UGT8: variants seen among roughly 807,000 people sequenced by gnomAD.
The protein encoded by UGT8 is UDP glycosyltransferase 8.
A neutral mutation model predicts 40.5 loss-of-function variants in UGT8; 12 were observed. That is an observed-to-expected ratio of 0.30 (90% CI 0.19 to 0.48). The LOEUF is 0.48. Among genes scored for constraint, UGT8 ranks in the 20% least tolerant of loss-of-function variants. The pLI is 0.99. For missense variants in UGT8, 513 were observed against 648.7 expected (o/e 0.79, Z 2.27); for synonymous variants, 224 against 240.4 (o/e 0.93, Z 0.63).
intron 1 of UGT8, among the ~76,000 whole-genome samples, chr4:114,607,770 T>G (rs1730820170): frequency 6.6e-6 from 1 of 152,140 alleles, no homozygotes; most frequent in Non-Finnish European, 1.5e-5. Context: ...TCCTAATTGA[T>G]CACTATGTCC....
intron 1 of UGT8, among the ~76,000 whole-genome samples, chr4:114,610,290 G>C (rs919378355): frequency 3.9e-5 from 6 of 152,106 alleles, no homozygotes; most frequent in Non-Finnish European, 7.4e-5. Flanking sequence ...TGAGGGGTTT[G>C]AAATCACCTA....
chr4:114,663,844 A>AG, intron 2 of UGT8, 151 bp from the exon 3 acceptor site: 1 of 1,399,062 alleles, frequency 7.1e-7, no homozygotes, highest in East Asian at 2.6e-5. Flanking sequence ...TGTAAACAAA[A>AG]GCAGTTATTT....
chr4:114,648,202 A>T (rs1466961706), intron 2 of UGT8, among the ~76,000 whole-genome samples: 2 of 152,186 alleles, frequency 1.3e-5, no homozygotes, highest in Admixed American at 1.3e-4. Context: ...AGAGCAGATC[A>T]GTATGTGATA....
chr4:114,658,676 T>C (rs1734334678), intron 2 of UGT8, among the ~76,000 whole-genome samples: 1 of 150,962 alleles, frequency 6.6e-6, no homozygotes, highest in South Asian at 2.1e-4. Flanking sequence ...TTTCTTGCAT[T>C]GGGATGTGTT....
At chr4:114,645,798 T>C (rs1035299132) in intron 2 of UGT8, among the ~76,000 whole-genome samples, 3 of 152,176 alleles carry the variant, frequency 2.0e-5, no homozygotes, top group Non-Finnish European at 4.4e-5. Flanking sequence ...GGCTTCTATT[T>C]ATCTGAGTTG....
chr4:114,674,241 TAATCATTTCCAGCAGC>T (rs377128920), intron 5 of UGT8, among the ~76,000 whole-genome samples: 4,027 of 152,300 alleles, frequency 0.026, 70 homozygotes, highest in Middle Eastern at 0.037. Context: ...TCCCAAACTG[TAATCATTTCCAGCAGC>T]ATGTCCCGTG....
In UGT8 at chr4:114,676,435, A is replaced by C. The variant is rs759517182; in HGVS notation, c.*147A>C. 2.9e-6 allele frequency: 2 copies of C among 680,258 alleles called. No homozygotes were observed. Among genetic ancestry groups the C allele is most frequent in the Non-Finnish European group, 4.7e-6 (2 of 427,564 alleles). 42.1% of individuals were successfully genotyped at this position (680,258 alleles called of 1,614,324 possible). A position where few individuals can be genotyped will look rare whatever the true frequency, so the allele number is the denominator to read the frequency against. Reference sequence around the variant, plus strand: ...TCTACTAATGAAATTCTGTGGAATTAAGATGGCTGTAAAAAGCACAAACCT... The same window carrying C: ...TCTACTAATGAAATTCTGTGGAATTCAGATGGCTGTAAAAAGCACAAACCT... On this transcript the variant is annotated 3_prime_UTR_variant, in exon 6 of 6. Transcript: ENST00000310836.
chr4:114,670,225 A>G (rs1272167995), intron 5 of UGT8, among the ~76,000 whole-genome samples: 3 of 151,634 alleles, frequency 2.0e-5, no homozygotes, highest in African/African-American at 2.4e-5. Context: ...AGGTCAGGAG[A>G]TCGAGACCAT....
At chr4:114,634,630 T>C (rs991583585) in intron 2 of UGT8, among the ~76,000 whole-genome samples, 4 of 152,252 alleles carry the variant, frequency 2.6e-5, no homozygotes, top group Non-Finnish European at 5.9e-5. Context: ...GCTAAGTAGA[T>C]ATATAGTAAT....
At chr4:114,651,845 T>G (rs1733911792) in intron 2 of UGT8, among the ~76,000 whole-genome samples, 1 of 152,122 alleles carries the variant, frequency 6.6e-6, no homozygotes, top group Non-Finnish European at 1.5e-5. Flanking sequence ...AATGAGTTAT[T>G]GGAATAAACT....
intron 2 of UGT8, among the ~76,000 whole-genome samples, chr4:114,633,077 T>A (rs564829601): frequency 3.9e-5 from 6 of 152,312 alleles, no homozygotes; most frequent in South Asian, 2.1e-4. Context: ...TTCACATGTA[T>A]AACATTGAAA....
chr4:114,649,724 T>C (rs906094047), intron 2 of UGT8, among the ~76,000 whole-genome samples: 2 of 152,142 alleles, frequency 1.3e-5, no homozygotes, highest in African/African-American at 4.8e-5. Flanking sequence ...TGGGCTGCAG[T>C]ATGCCCGGCT....
chr4:114,623,767 G>A, intron 2 of UGT8, 65 bp downstream of exon 2: 1 of 1,504,148 alleles, frequency 6.6e-7, no homozygotes, highest in Non-Finnish European at 8.8e-7. Flanking sequence ...ATTTTTGGAA[G>A]AGATATGATT....
At chr4:114,611,433 TATATATATATATAC>T (rs1731051161) in intron 1 of UGT8, among the ~76,000 whole-genome samples, 3 of 55,512 alleles carry the variant, frequency 5.4e-5, no homozygotes, top group Admixed American at 4.3e-4. Flanking sequence ...TATATATATA[TATATATATATATAC>T]ACACACACAC....
chr4:114,628,882 A>C (rs1329647815), intron 2 of UGT8, among the ~76,000 whole-genome samples: 2 of 150,950 alleles, frequency 1.3e-5, no homozygotes, highest in African/African-American at 4.9e-5. Flanking sequence ...ATTGAGCAAC[A>C]GAGTTATTAG....
At chr4:114,603,519 A>T (rs1339835873) in intron 1 of UGT8, among the ~76,000 whole-genome samples, 1 of 152,168 alleles carries the variant, frequency 6.6e-6, no homozygotes, top group Non-Finnish European at 1.5e-5. Flanking sequence ...ACGAGAAGGT[A>T]CAGAACAAGA....
intron 2 of UGT8, 104 bp from the exon 3 acceptor site, chr4:114,663,891 T>A (rs964322270): frequency 1.3e-6 from 2 of 1,516,728 alleles, no homozygotes; most frequent in East Asian, 2.3e-5. Context: ...TCTAATTGTT[T>A]AAGAAAATTA....
At chr4:114,636,749 T>A (rs1732911449) in intron 2 of UGT8, among the ~76,000 whole-genome samples, 1 of 152,112 alleles carries the variant, frequency 6.6e-6, no homozygotes, top group Non-Finnish European at 1.5e-5. Flanking sequence ...TCCACTCTGC[T>A]TTGTTTTACC....
Position 114,676,171 on chromosome 4 carries a change from C to A in UGT8, c.1509C>A (p.Ile503=), listed in dbSNP as rs773839537. The A allele has an allele frequency of 1.2e-6, 2 of 1,613,964 alleles. No homozygotes were observed. Among genetic ancestry groups the A allele is most frequent in the South Asian group, 2.2e-5 (2 of 91,044 alleles). The change falls in exon 6 of 6, where the codon ATC becomes ATA. Residue 503 remains isoleucine, a synonymous_variant. Coordinates refer to ENST00000310836, the MANE Select transcript of UGT8 (RefSeq NM_001128174.3). Reference sequence around the variant, plus strand: ...TGACAAAATTTATCTACAGAAAAATCAAAAGTCTGTGGTCTAGAAATAAGC... The same window carrying A: ...TGACAAAATTTATCTACAGAAAAATAAAAAGTCTGTGGTCTAGAAATAAGC... ...SWVTKFIYRK[I]KSLWSRNKHS...
Sources: gnomAD v4.1 joint callset for allele counts (sites outside exome capture counted in the v4.1 genomes callset) on GRCh38, gnomAD v4.1.1 for gene constraint, MANE v1.5 for transcripts, NCBI Gene and HGNC (gene_info 2026-07-23, HGNC 2026-07-21) for gene names.